The following MAGEA10 variants were observed in gnomAD, a reference collection of about 807,000 sequenced individuals.
MAGEA10 encodes the protein MAGE family member A10, also known as melanoma-associated antigen 10.
In MAGEA10, 7 loss-of-function variants were observed where a neutral mutation model predicts 8.6. That is an observed-to-expected ratio of 0.82 (90% CI 0.46 to 1.53). The LOEUF (loss-of-function observed/expected upper bound fraction) is 1.53, where lower values mean the gene tolerates loss of function less well. Ranked by LOEUF, MAGEA10 falls within the 40% of genes most tolerant of loss-of-function variation. The pLI, the probability that MAGEA10 is intolerant of heterozygous loss-of-function variation, is 0.01. For synonymous variants in MAGEA10, 125 were observed against 107.4 expected, an observed-to-expected ratio of 1.16 and a Z score of -1.02; for missense variants, 293 against 274.0, an observed-to-expected ratio of 1.07 and a Z score of -0.49.
In MAGEA10 at chrX:152,133,996, A is replaced by G. The variant is rs1936608980; in HGVS notation, c.*515T>C. 1 of 111,193 alleles carries G rather than the reference A, an allele frequency of 9.0e-6. No homozygotes were observed. The highest frequency in any genetic ancestry group is 1.9e-5 in the Non-Finnish European group (1 of 53,243). The allele number at this position is 111,193 out of a possible 1,213,427, so 9.2% of individuals were successfully genotyped here. A position where few individuals can be genotyped will look rare whatever the true frequency, so the allele number is the denominator to read the frequency against. ...CAAGAAGAAAAGAAAAGAAGTCCCC[A>G]GGTTATCCAAAGAAAACAGTAAGAC... is the stretch of plus-strand genomic sequence containing the variant. On this transcript the variant is annotated 3_prime_UTR_variant, in exon 4 of 4. Transcript: ENST00000370323.
In MAGEA10 at chrX:152,134,156, G is replaced by T. The variant is rs1936613144; in HGVS notation, c.*355C>A. 6.2e-6 allele frequency: 1 copy of T among 162,039 alleles called. No homozygotes were observed. The highest frequency in any genetic ancestry group is 1.2e-5 in the Non-Finnish European group (1 of 86,921). The allele number at this position is 162,039 out of a possible 1,213,427, so 13.4% of individuals were successfully genotyped here. A position where few individuals can be genotyped will look rare whatever the true frequency, so the allele number is the denominator to read the frequency against. ...AAACAAAAACTGACATGTAATTGTA[G>T]ATATTTATGAGGTACAATTTGATGT... On this transcript the variant is annotated 3_prime_UTR_variant, in exon 4 of 4. Transcript: ENST00000370323.
Position 152,135,019 on chromosome X carries a change from A to C in MAGEA10, c.602T>G (p.Phe201Cys). The change falls in exon 4 of 4, where the codon TTT (phenylalanine) becomes TGT (cysteine). Residue 201 changes from phenylalanine (F) to cysteine (C), a missense_variant. Phe to Cys is a radical substitution (Grantham distance 205). Transcript: ENST00000370323. ...GAGGCCCAGGGAGGTGACAAGGACAAAGGAGTGGCCAGTGGGATCCACTTC... is the reference window on the plus strand; with the variant it reads ...GAGGCCCAGGGAGGTGACAAGGACACAGGAGTGGCCAGTGGGATCCACTTC... ...VKEVDPTGHS[F>C]VLVTSLGLTY... The C allele has an allele frequency of 8.3e-7, 1 of 1,211,803 alleles. No homozygotes were observed. The highest frequency in any genetic ancestry group is 1.1e-6 in the Non-Finnish European group (1 of 895,471).
At position 152,135,456 on chromosome X, in the gene MAGEA10, G is replaced by GGAGGAGGGAAAA; in HGVS notation, c.153_164dup (p.Phe52_Ser55dup). 2.5e-6 allele frequency: 3 copies of GGAGGAGGGAAAA among 1,198,577 alleles called. No individual in the cohort carries two copies. The highest frequency in any genetic ancestry group is 3.4e-6 in the Non-Finnish European group (3 of 889,153). ...AGCAGGAGGAGGAGGAGGAAGAGGA[G>GGAGGAGGGAAAA]GAGGAGGGAAAAGAGGATGGAAAAG... On this transcript the variant is annotated inframe_insertion, in exon 4 of 4. Transcript: ENST00000370323.
rs1355409389 is a variant in MAGEA10, at chrX:152,135,041, C to A, written c.580G>T (p.Val194Leu). 4.1e-6 allele frequency: 5 copies of A among 1,211,549 alleles called. No individual in the cohort carries two copies. Among genetic ancestry groups the A allele is most frequent in the Non-Finnish European group, 5.6e-6 (5 of 895,276 alleles). ...LLVFGIDVKE[V>L]DPTGHSFVLV... ...ACAAAGGAGTGGCCAGTGGGATCCA[C>A]TTCCTTTACATCAATGCCAAAGACC... Residue 194 changes from valine to leucine, a missense_variant, in exon 4 of 4, where the codon GTG (valine) becomes TTG (leucine). Coordinates refer to ENST00000370323, the MANE Select transcript of MAGEA10 (RefSeq NM_021048.5).
In MAGEA10 at chrX:152,133,968, T is replaced by C. The variant is rs190079936; in HGVS notation, c.*543A>G. The C allele has an allele frequency of 9.3e-6, 1 of 107,883 alleles. No homozygotes were observed. The highest frequency in any genetic ancestry group is 3.4e-5 in the African/African-American group (1 of 29,544). 8.9% of individuals were successfully genotyped at this position (107,883 alleles called of 1,213,427 possible). ...GAAGAAGAAGAAAAAGAAAATAAAA[T>C]ACCAAGAAGAAAAGAAAAGAAGTCC... On this transcript the variant is annotated 3_prime_UTR_variant, in exon 4 of 4. Coordinates refer to ENST00000370323, the MANE Select transcript of MAGEA10 (RefSeq NM_021048.5).
rs1159333594 is a variant in MAGEA10 at position 152,133,419 on chromosome X, A to G, written c.*1092T>C. 1.8e-5 allele frequency: 2 copies of G among 112,434 alleles called. No individual in the cohort carries two copies. Among genetic ancestry groups the G allele is most frequent in the Non-Finnish European group, 3.8e-5 (2 of 53,323 alleles). 9.3% of individuals were successfully genotyped at this position (112,434 alleles called of 1,213,427 possible). A position where few individuals can be genotyped will look rare whatever the true frequency, so the allele number is the denominator to read the frequency against. ...AAAGAAATAAAAATACTAACACTTA[A>G]AATTATTTTCTCTATTTTACTATTT... On this transcript the variant is annotated 3_prime_UTR_variant, in exon 4 of 4. Transcript: ENST00000370323.
Position 152,134,964 on chromosome X carries a change from C to G in MAGEA10, c.657G>C (p.Gln219His). 8.3e-7 allele frequency: 1 copy of G among 1,211,405 alleles called. No individual in the cohort carries two copies. The highest frequency in any genetic ancestry group is 1.1e-6 in the Non-Finnish European group (1 of 895,365). ...LTYDGMLSDV[Q>H]SMPKTGILIL... ...TGAGAATGCCAGTCTTGGGCATGCT[C>G]TGGACATCACTCAGCATCCCATCAT... The change falls in exon 4 of 4, where the codon CAG becomes CAC. Residue 219 changes from glutamine (Q) to histidine (H), a missense_variant. By Grantham distance (24) the Gln-to-His change is conservative. Coordinates refer to ENST00000370323, the MANE Select transcript of MAGEA10 (RefSeq NM_021048.5).
chrX:152,135,910 A>C (rs929869936), intron 2 of MAGEA10, 76 bp from the exon 3 acceptor site: 21 of 248,655 alleles, frequency 8.4e-5, no homozygotes, highest in Non-Finnish European at 1.3e-4. Flanking sequence ...ACAGTAGGGT[A>C]GGTGGAGCTG....
intron 2 of MAGEA10, 161 bp from the exon 3 acceptor site, chrX:152,135,995 C>A (rs1936666903): frequency 6.8e-6 from 1 of 146,125 alleles, no homozygotes; most frequent in East Asian, 1.6e-4. Flanking sequence ...CTCACCTTGA[C>A]TCCTGGCACT....
chrX:152,134,508 A>C lies in MAGEA10; in HGVS notation c.*3T>G, dbSNP rs760826402. The C allele has an allele frequency of 3.4e-6, 4 of 1,192,301 alleles. No individual in the cohort carries two copies. The highest frequency in any genetic ancestry group is 4.5e-6 in the Non-Finnish European group (4 of 885,481). On this transcript the variant is annotated 3_prime_UTR_variant, in exon 4 of 4. Coordinates refer to ENST00000370323, the MANE Select transcript of MAGEA10 (RefSeq NM_021048.5). ...TAAAACACAGTGAAGAATCTGTCTT[A>C]CTTTATTCAGGGTAGGAGAAGCTAC...
At chrX:152,137,444 A>AGGGGGG (rs1603184059) in intron 1 of MAGEA10, among the ~76,000 whole-genome samples, 3 of 1,143 alleles carry the variant, frequency 2.6e-3, no homozygotes, top group African/African-American at 3.6e-3. Flanking sequence ...GGTGGTGGGC[A>AGGGGGG]GGGGAGGGGG....
In MAGEA10 at chrX:152,135,260, G is replaced by A; in HGVS notation, c.361C>T (p.Gln121Ter). 1.7e-6 allele frequency: 2 copies of A among 1,211,042 alleles called. No individual in the cohort carries two copies. Among genetic ancestry groups the A allele is most frequent in the Non-Finnish European group, 2.2e-6 (2 of 895,201 alleles). ...AAAGACTCACTGTCTGGCAGGACCT[G>A]TAGGGTGCTTGGACTCTCCTCCTTT... ...SQKEESPSTLQVLPDSESLPR... is the reference protein window; with the variant it reads ...SQKEESPSTL The change falls in exon 4 of 4, where the codon CAG (glutamine) becomes TAG (stop). Residue 121 changes from glutamine (Q) to a stop codon, truncating the protein, a stop_gained. Transcript: ENST00000370323. LOFTEE classifies it high-confidence loss of function.
rs746325749 is a variant in MAGEA10 at position 152,135,371 on chromosome X, G to C, written c.250C>G (p.Pro84Ala). The C allele has an allele frequency of 8.3e-7, 1 of 1,203,941 alleles. No homozygotes were observed. Among genetic ancestry groups the C allele is most frequent in the African/African-American group, 1.8e-5 (1 of 56,744 alleles). Residue 84 changes from proline to alanine, a missense_variant, in exon 4 of 4, where the codon CCC becomes GCC. Transcript: ENST00000370323. ...GAGCAGGCTATCTGAGCACTCTGGG[G>C]AGGATTTGGTGTCTCATCATCAGCA... is the stretch of plus-strand genomic sequence containing the variant. ...VSADDETPNPPQSAQIACSSP... is the reference protein window; with the variant it reads ...VSADDETPNPAQSAQIACSSP...
Position 152,135,014 on chromosome X carries a change from G to C in MAGEA10, c.607C>G (p.Leu203Val), listed in dbSNP as rs1409002357. The C allele has an allele frequency of 5.0e-6, 6 of 1,209,815 alleles. No homozygotes were observed. Among genetic ancestry groups the C allele is most frequent in the Admixed American group, 4.4e-5 (2 of 45,819 alleles). Residue 203 changes from leucine to valine, a missense_variant, in exon 4 of 4, where the codon CTT becomes GTT. Coordinates refer to ENST00000370323, the MANE Select transcript of MAGEA10 (RefSeq NM_021048.5). ...EVDPTGHSFV[L>V]VTSLGLTYDG... ...TAGGTGAGGCCCAGGGAGGTGACAA[G>C]GACAAAGGAGTGGCCAGTGGGATCC...
Position 152,134,588 on chromosome X carries a change from T to G in MAGEA10, c.1033A>C (p.Ile345Leu). Residue 345 changes from isoleucine (I) to leucine (L), a missense_variant, in exon 4 of 4, where the codon ATT (isoleucine) becomes CTT (leucine). Transcript: ENST00000370323. Reference sequence around the variant, plus strand: ...GCAGTAGTATCATCTGTGGTGGCAATTCTGTCCTGGGCTCTCTCTTCCTCA... The same window carrying G: ...GCAGTAGTATCATCTGTGGTGGCAAGTCTGTCCTGGGCTCTCTCTTCCTCA... ...KDEEERAQDR[I>L]ATTDDTTAMA... is the part of the protein sequence containing the mutation. The G allele has an allele frequency of 1.7e-6, 2 of 1,208,437 alleles. No individual in the cohort carries two copies. Among genetic ancestry groups the G allele is most frequent in the Non-Finnish European group, 1.1e-6 (1 of 892,823 alleles).
chrX:152,137,514 G>A (rs968994110), intron 1 of MAGEA10, among the ~76,000 whole-genome samples: 4 of 105,361 alleles, frequency 3.8e-5, no homozygotes, highest in East Asian at 6.1e-4. Flanking sequence ...ACTCCCGACA[G>A]GGCCCAGCCC....
At position 152,134,667 on chromosome X, in the gene MAGEA10, T is replaced by C; in HGVS notation, c.954A>G (p.Val318=). 3.3e-6 allele frequency: 4 copies of C among 1,210,651 alleles called. No individual in the cohort carries two copies. Among genetic ancestry groups the C allele is most frequent in the Non-Finnish European group, 3.4e-6 (3 of 894,879 alleles). Residue 318 remains valine (V), a synonymous_variant, in exon 4 of 4, where the codon GTA becomes GTG. Transcript: ENST00000370323. ...GGAAGGATCTTGGATCACTCCCATT[T>C]ACCTTGGCCAAAAATTTCAGGAGAC... ...KMSLLKFLAK[V]NGSDPRSFPL...
At position 152,136,235 on chromosome X, in the gene MAGEA10, G is replaced by A. The variant is rs1936672271; in HGVS notation, c.-139-401C>T. Among the ~76,000 whole-genome samples, 4 of 111,287 alleles carry A rather than the reference G, an allele frequency of 3.6e-5. No homozygotes were observed. In the Admixed American group the frequency reaches 3.8e-4, roughly 11 times the overall value. On this transcript the variant is annotated intron_variant, in intron 2 of 3. Coordinates refer to ENST00000370323, the MANE Select transcript of MAGEA10 (RefSeq NM_021048.5). ...ACGTGGGGCTCTCACCTTTCTCCTG[G>A]AAAAGCCTAGACCCTGCTCCTTTGC...
rs1936632584 is a variant in MAGEA10, at chrX:152,134,883, G to C, written c.738C>G (p.Ile246Met). The C allele has an allele frequency of 5.0e-6, 6 of 1,211,371 alleles. No individual in the cohort carries two copies. The highest frequency in any genetic ancestry group is 6.7e-6 in the Non-Finnish European group (6 of 895,356). Residue 246 changes from isoleucine to methionine, a missense_variant, in exon 4 of 4, where the codon ATC (isoleucine) becomes ATG (methionine). By Grantham distance (10) the Ile-to-Met change is conservative. Coordinates refer to ENST00000370323, the MANE Select transcript of MAGEA10 (RefSeq NM_021048.5). ...GCCCCATCATATTCAGTGCTTCCCA[G>C]ATGACCTCCTCAGGGGTGCAGTAGC... ...IEGYCTPEEV[I>M]WEALNMMGLY... is the part of the protein sequence containing the mutation.
Sources: gnomAD v4.1 joint callset for allele counts (sites outside exome capture counted in the v4.1 genomes callset) on GRCh38, gnomAD v4.1.1 for gene constraint, MANE v1.5 for transcripts, NCBI Gene and HGNC (gene_info 2026-07-23, HGNC 2026-07-21) for gene names.